RASA3: variants seen among roughly 807,000 people sequenced by gnomAD.
The protein encoded by RASA3 is ras GTPase-activating protein 3.
A neutral mutation model predicts 110.0 loss-of-function variants in RASA3; 73 were observed. The observed-to-expected ratio is 0.66, with a 90% confidence interval of 0.55 to 0.81. The LOEUF is 0.81. Ranked by LOEUF, RASA3 falls within the 30% of genes least tolerant of loss-of-function variation. The probability of loss-of-function intolerance (pLI) is 0.00; values close to 1 mark genes in which losing one functional copy is unlikely to be tolerated. For synonymous variants in RASA3, 500 were observed against 451.4 expected, an observed-to-expected ratio of 1.11 and a Z score of -1.37; for missense variants, 976 against 1,113.2, an observed-to-expected ratio of 0.88 and a Z score of 1.75.
chr13:114,044,951 C>T (rs1212954561), intron 3 of RASA3, among the ~76,000 whole-genome samples: 1 of 152,078 alleles, frequency 6.6e-6, no homozygotes, highest in Non-Finnish European at 1.5e-5. Flanking sequence ...AGAAGTACTT[C>T]ACTTAATTTT....
intron 1 of RASA3, among the ~76,000 whole-genome samples, chr13:114,106,830 G>A (rs1399688518): frequency 6.6e-6 from 1 of 152,218 alleles, no homozygotes; most frequent in Non-Finnish European, 1.5e-5. Context: ...ACTATATGCT[G>A]CGTCCCATTT....
intron 3 of RASA3, 86 bp from the exon 4 acceptor site, chr13:114,041,180 G>C (rs373000971): frequency 8.8e-7 from 1 of 1,138,316 alleles, no homozygotes; most frequent in Admixed American, 1.8e-5. Flanking sequence ...CATCATCACC[G>C]CAGCTTATTT....
chr13:114,123,147 CAT>C (rs1379519230), intron 1 of RASA3, among the ~76,000 whole-genome samples: 1 of 152,186 alleles, frequency 6.6e-6, no homozygotes, highest in African/African-American at 2.4e-5. Context: ...GGGCCGGAAA[CAT>C]GTGTCCTGCA....
At chr13:113,992,241 G>A (rs538733593) in intron 22 of RASA3, among the ~76,000 whole-genome samples, 1 of 152,220 alleles carries the variant, frequency 6.6e-6, no homozygotes, top group African/African-American at 2.4e-5. Context: ...CAGTACAGAG[G>A]TTACAAGTTA....
intron 2 of RASA3, among the ~76,000 whole-genome samples, chr13:114,060,820 C>G (rs2079326398): frequency 6.6e-6 from 1 of 152,230 alleles, no homozygotes; most frequent in Non-Finnish European, 1.5e-5. Flanking sequence ...CTCACCTTCC[C>G]TGAGGCTCCC....
Position 114,057,692 on chromosome 13 carries a change from G to A in RASA3, c.174-5537C>T, listed in dbSNP as rs879385565. ...AATGTAAAACCCCCAGCTCAAGGAGGAGAGTGGAGGCGGTTCCCCACCTTC... is the reference window on the plus strand; with the variant it reads ...AATGTAAAACCCCCAGCTCAAGGAGAAGAGTGGAGGCGGTTCCCCACCTTC... On this transcript the variant is annotated intron_variant, in intron 2 of 23. Transcript: ENST00000334062. This position sits in a 1 kb window ranked among gnomAD's most constrained non-coding sequence, Gnocchi z 5.0. 6.6e-6 allele frequency among the ~76,000 whole-genome samples: 1 copy of A among 152,190 alleles called. No individual in the cohort carries two copies. Among genetic ancestry groups the A allele is most frequent in the Non-Finnish European group, 1.5e-5 (1 of 68,020 alleles).
intron 19 of RASA3, among the ~76,000 whole-genome samples, chr13:114,000,472 G>A (rs1041866640): frequency 1.3e-5 from 2 of 152,190 alleles, no homozygotes; most frequent in Non-Finnish European, 2.9e-5. Flanking sequence ...CGAGGGGCAG[G>A]AGGTGGTGGG....
rs1025805902 is a variant in RASA3, at chr13:114,114,328, T to G, written c.55+18107A>C. Reference sequence around the variant, plus strand: ...ACTTTCTGTTCTGGATTTCCTGGGGTTTCCTTTATTAGACTTGAGTCCAGA... The same window carrying G: ...ACTTTCTGTTCTGGATTTCCTGGGGGTTCCTTTATTAGACTTGAGTCCAGA... On this transcript the variant is annotated intron_variant, in intron 1 of 23. Coordinates refer to ENST00000334062, the MANE Select transcript of RASA3 (RefSeq NM_007368.4). This position sits in a 1 kb window ranked among gnomAD's most constrained non-coding sequence, Gnocchi z 4.8. Among the ~76,000 whole-genome samples, 7 of 152,128 alleles carry G rather than the reference T, an allele frequency of 4.6e-5. No homozygotes were observed. The highest frequency in any genetic ancestry group is 3.9e-4 in the Admixed American group (6 of 15,280).
At chr13:114,034,350 G>A (rs2054239868) in intron 4 of RASA3, among the ~76,000 whole-genome samples, 2 of 152,260 alleles carry the variant, frequency 1.3e-5, no homozygotes, top group Admixed American at 6.5e-5. Flanking sequence ...TTCACATTCG[G>A]GAGCTTCAGG....
chr13:114,033,794 G>A (rs1379598979), intron 4 of RASA3, among the ~76,000 whole-genome samples: 1 of 152,270 alleles, frequency 6.6e-6, no homozygotes, highest in African/African-American at 2.4e-5. Flanking sequence ...TCTGGGGTCT[G>A]GAGGTTGGGT....
chr13:114,034,937 T>C (rs920624348), intron 4 of RASA3, among the ~76,000 whole-genome samples: 2 of 151,204 alleles, frequency 1.3e-5, no homozygotes, highest in Admixed American at 6.6e-5. Flanking sequence ...AACGCTGACC[T>C]GAGCTTAGAG....
chr13:113,977,789 A>G lies in RASA3; in HGVS notation c.*1558T>C, dbSNP rs1201020602. 1.3e-5 allele frequency: 2 copies of G among 152,596 alleles called. No homozygotes were observed. The highest frequency in any genetic ancestry group is 4.8e-5 in the African/African-American group (2 of 41,466). The allele number at this position is 152,596 out of a possible 1,614,324, so 9.5% of individuals were successfully genotyped here. A position where few individuals can be genotyped will look rare whatever the true frequency, so the allele number is the denominator to read the frequency against. On this transcript the variant is annotated 3_prime_UTR_variant, in exon 24 of 24. Transcript: ENST00000334062. The stretch of plus-strand genomic sequence containing the variant: ...TGGAAAACCAAGGCAGTCCTCAGAA[A>G]GAATAAAACATCTGTTTTAATTGGC...
At chr13:114,092,233 A>G (rs2079897453) in intron 1 of RASA3, among the ~76,000 whole-genome samples, 1 of 151,950 alleles carries the variant, frequency 6.6e-6, no homozygotes, top group Non-Finnish European at 1.5e-5. Context: ...TTGATTTTCC[A>G]GTTCCTTGTG....
chr13:114,026,044 A>G (rs1416844574), intron 7 of RASA3, among the ~76,000 whole-genome samples: 1 of 152,256 alleles, frequency 6.6e-6, no homozygotes, highest in Non-Finnish European at 1.5e-5. Flanking sequence ...GGAGCCCCAC[A>G]GGTGGTGACG....
intron 14 of RASA3, among the ~76,000 whole-genome samples, chr13:114,013,777 C>CAT (rs1370751592): frequency 8.4e-6 from 1 of 119,040 alleles, no homozygotes; most frequent in South Asian, 3.0e-4. Flanking sequence ...TGTCTCTCTC[C>CAT]CTCTCTGTCT....
In RASA3 at chr13:114,008,948, ATGTT is replaced by A. The variant is rs1292486057; in HGVS notation, c.1668+435_1668+438del. Reference sequence around the variant, plus strand: ...GGAGGAGCAGAGCCCTGCGGTCTGGATGTTCCCCACGCACCGCGTTCCTAACTGT... The same window carrying A: ...GGAGGAGCAGAGCCCTGCGGTCTGGACCCCACGCACCGCGTTCCTAACTGT... On this transcript the variant is annotated intron_variant, in intron 17 of 23. Transcript: ENST00000334062. Among the ~76,000 whole-genome samples the A allele has an allele frequency of 1.1e-3, 109 of 101,604 alleles. 6 individuals are homozygous for A. The highest frequency in any genetic ancestry group is 1.8e-3 in the Non-Finnish European group (89 of 49,974). 66.7% of individuals were successfully genotyped at this position (101,604 alleles called of 152,430 possible).
chr13:114,000,809 G>C lies in RASA3; in HGVS notation c.1849+17C>G. The C allele has an allele frequency of 6.4e-7, 1 of 1,566,092 alleles. No homozygotes were observed. On this transcript the variant is annotated intron_variant, in intron 19 of 23. Coordinates refer to ENST00000334062, the MANE Select transcript of RASA3 (RefSeq NM_007368.4). ...CACGCTCCAGCAAGAGCCAGGGAAA[G>C]CGACCTTGCTCCTTACCTTTGCTTT...
chr13:114,083,704 CGCGGGG>C (rs2079820037), intron 1 of RASA3, among the ~76,000 whole-genome samples: 1 of 46,414 alleles, frequency 2.2e-5, no homozygotes, highest in Non-Finnish European at 5.9e-5. Context: ...CCTTCGTCCT[CGCGGGG>C]AAATCACGGG....
At chr13:114,080,634 C>T (rs145387099) in intron 1 of RASA3, among the ~76,000 whole-genome samples, 429 of 74,472 alleles carry the variant, frequency 5.8e-3, no homozygotes, top group Non-Finnish European at 8.1e-3. Flanking sequence ...AAGGCGCCCA[C>T]TGTGCTTACT....
Sources: gnomAD v4.1 joint callset for allele counts (sites outside exome capture counted in the v4.1 genomes callset) on GRCh38, gnomAD v4.1.1 for gene constraint, Gnocchi (gnomAD v3.1) non-coding constraint, MANE v1.5 for transcripts, NCBI Gene and HGNC (gene_info 2026-07-23, HGNC 2026-07-21) for gene names.